The following ATP8A2 variants were observed in gnomAD, a reference collection of about 807,000 sequenced individuals.
ATP8A2 encodes the protein ATPase phospholipid transporting 8A2, also known as phospholipid-transporting ATPase IB.
ATP8A2 carries 100 observed loss-of-function variants against 165.6 expected under a neutral mutation model. The observed-to-expected ratio is 0.60, with a 90% confidence interval of 0.51 to 0.71. ATP8A2 has a LOEUF of 0.71. Ranked by LOEUF, ATP8A2 falls within the 30% of genes least tolerant of loss-of-function variation. The pLI is 0.00. For missense variants in ATP8A2, 1,227 were observed against 1,479.5 expected, an observed-to-expected ratio of 0.83 and a Z score of 2.80; for synonymous variants, 543 against 548.8, an observed-to-expected ratio of 0.99 and a Z score of 0.15.
chr13:25,429,794 C>T (rs1190741272), intron 1 of ATP8A2, among the ~76,000 whole-genome samples: 10 of 152,098 alleles, frequency 6.6e-5, no homozygotes, highest in Non-Finnish European at 1.5e-4. Flanking sequence ...AGGAGGAGGC[C>T]ACAGCATTGG....
At chr13:26,015,770 G>A (rs937169319) in intron 36 of ATP8A2, among the ~76,000 whole-genome samples, 10 of 152,208 alleles carry the variant, frequency 6.6e-5, no homozygotes, top group African/African-American at 2.4e-4. Context: ...GGAAAGTTCA[G>A]TTAGTTGGGT....
At chr13:25,603,278 A>G (rs2040434319) in intron 24 of ATP8A2, among the ~76,000 whole-genome samples, 1 of 152,042 alleles carries the variant, frequency 6.6e-6, no homozygotes, top group South Asian at 2.1e-4. Flanking sequence ...GCTTGAGCCC[A>G]GGAGTTCAAG....
At chr13:25,734,025 A>T (rs534747083) in intron 25 of ATP8A2, among the ~76,000 whole-genome samples, 1 of 152,342 alleles carries the variant, frequency 6.6e-6, no homozygotes, top group South Asian at 2.1e-4. Flanking sequence ...TACAAACAAG[A>T]TCAAATTACC....
At position 25,985,573 on chromosome 13, in the gene ATP8A2, A is replaced by G. The variant is rs574327153; in HGVS notation, c.3377+16894A>G. Among the ~76,000 whole-genome samples, 3 of 152,344 alleles carry G rather than the reference A, an allele frequency of 2.0e-5. No individual in the cohort carries two copies. In the East Asian group the frequency reaches 5.8e-4, roughly 29 times the overall value. On this transcript the variant is annotated intron_variant, in intron 35 of 36. Coordinates refer to ENST00000381655, the MANE Select transcript of ATP8A2 (RefSeq NM_016529.6). ...AGTCATGGTCGATCAATCCCCAGCC[A>G]GAATGTCATCAGAGACCCACCAGTC...
At chr13:25,666,123 A>G (rs977156394) in intron 24 of ATP8A2, among the ~76,000 whole-genome samples, 2 of 151,582 alleles carry the variant, frequency 1.3e-5, no homozygotes, top group African/African-American at 4.8e-5. Flanking sequence ...AGGTATTTAT[A>G]CTCCCCGGGA....
At chr13:25,823,144 G>A (rs1426765701) in intron 27 of ATP8A2, among the ~76,000 whole-genome samples, 1 of 152,214 alleles carries the variant, frequency 6.6e-6, no homozygotes. Context: ...ATAGGTGGGG[G>A]CCTGATTGTG....
At chr13:25,582,624 T>C (rs1395910492) in intron 23 of ATP8A2, among the ~76,000 whole-genome samples, 1 of 152,266 alleles carries the variant, frequency 6.6e-6, no homozygotes, top group Non-Finnish European at 1.5e-5. Context: ...ACTGCATAAC[T>C]TAGAATAGCT....
chr13:25,523,467 A>G (rs1566217944), intron 2 of ATP8A2, among the ~76,000 whole-genome samples: 1 of 152,114 alleles, frequency 6.6e-6, no homozygotes, highest in African/African-American at 2.4e-5. Context: ...AATGTTTCAT[A>G]GAAATCAGCA....
chr13:25,511,155 G>A (rs936712208), intron 2 of ATP8A2, among the ~76,000 whole-genome samples: 6 of 152,218 alleles, frequency 3.9e-5, no homozygotes, highest in Non-Finnish European at 7.3e-5. Context: ...GGTCCAAGTA[G>A]TGAGGCAGTG....
chr13:25,637,921 T>G (rs891181069), intron 24 of ATP8A2, among the ~76,000 whole-genome samples: 5 of 152,258 alleles, frequency 3.3e-5, no homozygotes, highest in South Asian at 4.1e-4. Context: ...TCCAGAGGAA[T>G]GATCAGACAG....
At chr13:25,760,617 A>G (rs2044361782) in intron 25 of ATP8A2, among the ~76,000 whole-genome samples, 2 of 152,238 alleles carry the variant, frequency 1.3e-5, no homozygotes, top group Admixed American at 1.3e-4. Flanking sequence ...GGAGGTGCAT[A>G]TAACACTGAA....
intron 25 of ATP8A2, among the ~76,000 whole-genome samples, chr13:25,743,368 A>G (rs1267986024): frequency 2.0e-5 from 3 of 152,190 alleles, no homozygotes; most frequent in Admixed American, 6.5e-5. Flanking sequence ...GAGCTGTGAC[A>G]ATAAATTTCT....
intron 33 of ATP8A2, among the ~76,000 whole-genome samples, chr13:25,872,085 G>C (rs1228200891): frequency 7.9e-6 from 1 of 126,366 alleles, no homozygotes; most frequent in Admixed American, 1.1e-4. Flanking sequence ...GCATTCAAAT[G>C]GTGCTGCTTC....
At chr13:25,671,431 C>T (rs56923549) in intron 24 of ATP8A2, among the ~76,000 whole-genome samples, 4,960 of 152,230 alleles carry the variant, frequency 0.033, 136 homozygotes, top group East Asian at 0.13. Context: ...GTGAGCCAGG[C>T]GGAACAGAGC....
chr13:25,868,664 A>G (rs1053872294), intron 33 of ATP8A2, among the ~76,000 whole-genome samples: 9 of 152,168 alleles, frequency 5.9e-5, no homozygotes, highest in Admixed American at 4.6e-4. Context: ...TTAAGACAGT[A>G]CCGACTTCCT....
chr13:25,552,424 A>G (rs2038852745), intron 11 of ATP8A2, among the ~76,000 whole-genome samples: 1 of 152,154 alleles, frequency 6.6e-6, no homozygotes, highest in South Asian at 2.1e-4. Context: ...ACTGTCATAT[A>G]TATTACATCT....
chr13:25,833,873 CAAAG>C (rs1951540814), intron 28 of ATP8A2, among the ~76,000 whole-genome samples: 1 of 152,076 alleles, frequency 6.6e-6, no homozygotes, highest in African/African-American at 2.4e-5. Flanking sequence ...AACCAATAGA[CAAAG>C]AGTGCATTTG....
intron 33 of ATP8A2, among the ~76,000 whole-genome samples, chr13:25,942,153 A>G (rs1955088711): frequency 6.6e-6 from 1 of 152,094 alleles, no homozygotes; most frequent in South Asian, 2.1e-4. Flanking sequence ...ATTCCTTTTA[A>G]TGCTGTTTTC....
intron 34 of ATP8A2, among the ~76,000 whole-genome samples, chr13:25,962,759 G>A (rs988573345): frequency 5.3e-5 from 8 of 152,068 alleles, no homozygotes; most frequent in South Asian, 2.1e-4. Flanking sequence ...TTAGCCCTCC[G>A]TTCCTCCCAC....
Sources: allele counts gnomAD v4.1 joint callset (sites outside exome capture counted in the v4.1 genomes callset), GRCh38; gene constraint gnomAD v4.1.1; transcripts MANE v1.5; gene names NCBI Gene and HGNC (gene_info 2026-07-23, HGNC 2026-07-21).